CAPN13: variants seen among roughly 807,000 people sequenced by gnomAD.
CAPN13 encodes the protein calpain 13.
A neutral mutation model predicts 98.4 loss-of-function variants in CAPN13; 90 were observed. The ratio of observed to expected loss-of-function variants is 0.92; its 90% CI spans 0.77 to 1.09. The LOEUF (loss-of-function observed/expected upper bound fraction) is 1.09, where lower values mean the gene tolerates loss of function less well. Ranked by LOEUF, CAPN13 falls within the 50% of genes least tolerant of loss-of-function variation. The pLI, the probability that CAPN13 is intolerant of heterozygous loss-of-function variation, is 0.00. For synonymous variants in CAPN13, 330 were observed against 305.5 expected (o/e 1.08, Z -0.84); for missense variants, 887 against 841.3 (o/e 1.05, Z -0.67).
chr2:30,765,019 C>A lies in CAPN13; in HGVS notation c.525-713G>T, dbSNP rs1441797762. On this transcript the variant is annotated intron_variant, in intron 5 of 22. Transcript: ENST00000295055. ...CATAACATACCCCAAAAGCTTAAAA[C>A]CCTCACCCCCTTCTCCAAAGCATCT... Among the ~76,000 whole-genome samples, 3 of 152,094 alleles carry A rather than the reference C, an allele frequency of 2.0e-5. No homozygotes were observed. In the East Asian group the frequency reaches 5.8e-4, roughly 29 times the overall value.
intron 2 of CAPN13, among the ~76,000 whole-genome samples, chr2:30,785,113 G>T (rs1488563814): frequency 1.3e-5 from 2 of 152,200 alleles, no homozygotes; most frequent in Non-Finnish European, 2.9e-5. Flanking sequence ...GGCACATGTA[G>T]ATAGGGTCCT....
chr2:30,776,905 A>G (rs924879734), intron 3 of CAPN13, among the ~76,000 whole-genome samples: 8 of 152,210 alleles, frequency 5.3e-5, no homozygotes, highest in Admixed American at 1.3e-4. Context: ...GGCAGGCTCT[A>G]TTGACTTGGT....
chr2:30,791,106 C>G (rs1421643652), intron 1 of CAPN13, among the ~76,000 whole-genome samples: 1 of 152,194 alleles, frequency 6.6e-6, no homozygotes, highest in East Asian at 1.9e-4. Context: ...ACTCTCCTAG[C>G]CCTGGCTGCA....
chr2:30,755,938 C>T (rs1572823812), intron 8 of CAPN13, among the ~76,000 whole-genome samples: 1 of 152,114 alleles, frequency 6.6e-6, no homozygotes, highest in Non-Finnish European at 1.5e-5. Flanking sequence ...ATCCGGTGCT[C>T]TCCATCCATC....
At chr2:30,800,395 C>T (rs1032405868) in intron 1 of CAPN13, among the ~76,000 whole-genome samples, 1 of 152,222 alleles carries the variant, frequency 6.6e-6, no homozygotes, top group Non-Finnish European at 1.5e-5. Flanking sequence ...ACTGCCCTTG[C>T]TGTGTGGACC....
chr2:30,730,746 C>G lies in CAPN13; in HGVS notation c.*14G>C, dbSNP rs775975059. 1.9e-5 allele frequency: 15 copies of G among 780,750 alleles called. No individual in the cohort carries two copies. Among genetic ancestry groups the G allele is most frequent in the South Asian group, 6.7e-5 (5 of 74,624 alleles). 48.4% of individuals were successfully genotyped at this position (780,750 alleles called of 1,614,324 possible). On this transcript the variant is annotated 3_prime_UTR_variant, in exon 22 of 23. Transcript: ENST00000295055. ...ATGTCTTACCTGAGCCATGGGTCTG[C>G]TTTCCTCTTTGCTTCAGTTGTACAT...
At chr2:30,786,761 C>T (rs968867332) in intron 2 of CAPN13, among the ~76,000 whole-genome samples, 2 of 152,074 alleles carry the variant, frequency 1.3e-5, no homozygotes, top group African/African-American at 2.4e-5. Context: ...GATACTGACA[C>T]CTGAAGAGAA....
intron 22 of CAPN13, 50 bp downstream of exon 22, chr2:30,730,680 G>C: frequency 3.9e-6 from 3 of 775,086 alleles, no homozygotes; most frequent in Non-Finnish European, 7.2e-6. Context: ...AGAGGGGAAG[G>C]AGGACTCATG....
intron 1 of CAPN13, among the ~76,000 whole-genome samples, chr2:30,805,915 T>C (rs1675595795): frequency 6.6e-6 from 1 of 151,682 alleles, no homozygotes; most frequent in Admixed American, 6.6e-5. Context: ...CACCACCACA[T>C]GTAGCTAATA....
chr2:30,757,964 T>C (rs900059437), intron 8 of CAPN13, 82 bp downstream of exon 8: 2 of 1,034,082 alleles, frequency 1.9e-6, no homozygotes, highest in Admixed American at 2.9e-5. Context: ...AGTGGCTAGA[T>C]AGCCCCTGCT....
chr2:30,774,547 T>G (rs988593817), intron 4 of CAPN13, among the ~76,000 whole-genome samples: 5 of 152,204 alleles, frequency 3.3e-5, no homozygotes, highest in African/African-American at 1.2e-4. Flanking sequence ...AGTGGCAATA[T>G]ATTTGAAAAT....
At chr2:30,804,909 T>C (rs560794298) in intron 1 of CAPN13, among the ~76,000 whole-genome samples, 2 of 152,360 alleles carry the variant, frequency 1.3e-5, no homozygotes, top group Non-Finnish European at 2.9e-5. Context: ...ACATTAGTGC[T>C]GTACGCAGTG....
Position 30,745,716 on chromosome 2 carries a change from G to A in CAPN13, c.1248+7C>T, listed in dbSNP as rs1572805507. ...AGGCGCAGGGCAAGGACGACGCTGAGCCATACCTGTGAGCCAGCCTGTTGG... is the reference window on the plus strand; with the variant it reads ...AGGCGCAGGGCAAGGACGACGCTGAACCATACCTGTGAGCCAGCCTGTTGG... On this transcript the variant is annotated splice_region_variant and intron_variant, in intron 12 of 22. Coordinates refer to ENST00000295055, the MANE Select transcript of CAPN13 (RefSeq NM_144575.3). The A allele has an allele frequency of 1.3e-6, 2 of 1,596,700 alleles. No individual in the cohort carries two copies. Among genetic ancestry groups the A allele is most frequent in the Middle Eastern group, 1.7e-4 (1 of 6,060 alleles).
At chr2:30,732,053 G>C (rs543134848) in intron 20 of CAPN13, among the ~76,000 whole-genome samples, 4 of 152,260 alleles carry the variant, frequency 2.6e-5, no homozygotes, top group African/African-American at 9.6e-5. Flanking sequence ...CTGAAGCCTG[G>C]GGAGGGACCT....
At chr2:30,748,608 A>G (rs2147983616) in intron 11 of CAPN13, among the ~76,000 whole-genome samples, 1 of 152,182 alleles carries the variant, frequency 6.6e-6, no homozygotes, top group South Asian at 2.1e-4. Context: ...CTGGGTCACA[A>G]GTCTACAACT....
intron 7 of CAPN13, among the ~76,000 whole-genome samples, chr2:30,762,742 C>T (rs1205285186): frequency 6.6e-6 from 1 of 152,232 alleles, no homozygotes; most frequent in African/African-American, 2.4e-5. Context: ...AAACCCCTTT[C>T]AGGGCAAAAC....
rs536023046 is a variant in CAPN13 at position 30,743,293 on chromosome 2, C to T, written c.1445+90G>A. On this transcript the variant is annotated intron_variant, in intron 13 of 22. Coordinates refer to ENST00000295055, the MANE Select transcript of CAPN13 (RefSeq NM_144575.3). ...CCCCAGTGACATAGCACAGGCTGCACGAATGCACAGAGAACTGCCCATAAT... is the reference window on the plus strand; with the variant it reads ...CCCCAGTGACATAGCACAGGCTGCATGAATGCACAGAGAACTGCCCATAAT... 80 of 1,151,226 alleles carry T rather than the reference C, an allele frequency of 6.9e-5. 2 individuals carry two copies. The highest frequency in any genetic ancestry group is 3.5e-4 in the African/African-American group (23 of 65,936). 71.3% of individuals were successfully genotyped at this position (1,151,226 alleles called of 1,614,324 possible). A position where few individuals can be genotyped will look rare whatever the true frequency, so the allele number is the denominator to read the frequency against.
intron 9 of CAPN13, 149 bp from the exon 10 acceptor site, chr2:30,753,347 CA>C: frequency 1.2e-6 from 1 of 809,652 alleles, no homozygotes; most frequent in Non-Finnish European, 1.9e-6. Flanking sequence ...TCTATCTTTT[CA>C]GTCCTTCTGC....
At chr2:30,735,825 A>G (rs1671334710) in intron 18 of CAPN13, among the ~76,000 whole-genome samples, 1 of 152,140 alleles carries the variant, frequency 6.6e-6, no homozygotes, top group Admixed American at 6.5e-5. Context: ...TTATACTTCT[A>G]TTTGGCATGT....
Sources: allele counts gnomAD v4.1 joint callset (sites outside exome capture counted in the v4.1 genomes callset), GRCh38; gene constraint gnomAD v4.1.1; transcripts MANE v1.5; gene names NCBI Gene and HGNC (gene_info 2026-07-23, HGNC 2026-07-21).